C14orf39: variants seen among roughly 807,000 people sequenced by gnomAD.
C14orf39 encodes the protein protein SIX6OS1.
In C14orf39, 66 loss-of-function variants were observed where a neutral mutation model predicts 85.6. That is an observed-to-expected ratio of 0.77 (90% CI 0.63 to 0.95). C14orf39 has a LOEUF of 0.95. C14orf39 is among the 40% of genes least tolerant of loss of function. The pLI, the probability that C14orf39 is intolerant of heterozygous loss-of-function variation, is 0.00. For synonymous variants in C14orf39, 242 were observed against 214.0 expected (o/e 1.13, Z -1.14); for missense variants, 735 against 663.9 (o/e 1.11, Z -1.18).
At chr14:60,513,040 T>A (rs763492682) in intron 1 of C14orf39, among the ~76,000 whole-genome samples, 1 of 152,332 alleles carries the variant, frequency 6.6e-6, no homozygotes, top group African/African-American at 2.4e-5. Context: ...AACGGCAAGA[T>A]AGACAATGGA....
intron 1 of C14orf39, chr14:60,511,495 C>T: frequency 1.7e-6 from 1 of 598,496 alleles, no homozygotes; most frequent in Admixed American, 3.0e-5. Flanking sequence ...GTTCTTCTTG[C>T]TTTGCTTTTT....
At chr14:60,468,598 T>G in intron 8 of C14orf39, 62 bp from the exon 9 acceptor site, 1 of 901,366 alleles carries the variant, frequency 1.1e-6, no homozygotes, top group South Asian at 2.0e-5. Context: ...AAAAAAGATA[T>G]GCTTTATCTT....
At chr14:60,475,358 A>C (rs1047067749) in intron 5 of C14orf39, among the ~76,000 whole-genome samples, 26 of 151,774 alleles carry the variant, frequency 1.7e-4, no homozygotes, top group Non-Finnish European at 3.5e-4. Flanking sequence ...CTACACAAAA[A>C]ACCGTTCAAA....
chr14:60,470,031 CATTA>C (rs1367243771), intron 7 of C14orf39, among the ~76,000 whole-genome samples: 1 of 149,742 alleles, frequency 6.7e-6, no homozygotes, highest in Non-Finnish European at 1.5e-5. Flanking sequence ...CTTATGCTTC[CATTA>C]TTTATTTGTT....
Position 60,436,992 on chromosome 14 carries a change from T to C in C14orf39, c.1617A>G (p.Ser539=). The stretch of plus-strand genomic sequence containing the variant: ...CTCCAAATGTATGAGTTGAAGTGTC[T>C]GATGGAAAAGAAAATGTAAAGCCAT... ...GEDGFTFSFP[S]DTSTHTFGAG... Residue 539 remains serine (S), a synonymous_variant, in exon 18 of 18, where the codon TCA becomes TCG. Transcript: ENST00000321731. 6.2e-7 allele frequency: 1 copy of C among 1,611,760 alleles called. No individual in the cohort carries two copies. The highest frequency in any genetic ancestry group is 8.5e-7 in the Non-Finnish European group (1 of 1,179,086).
At position 60,491,503 on chromosome 14, in the gene C14orf39, T is replaced by A. The variant is rs1892987730; in HGVS notation, c.-8-6417A>T. Reference sequence around the variant, plus strand: ...GCTCATGTATTTCCCCCACTAATGCTGACCTCCTTCATCCTTTTCATTAAT... The same window carrying A: ...GCTCATGTATTTCCCCCACTAATGCAGACCTCCTTCATCCTTTTCATTAAT... On this transcript the variant is annotated intron_variant, in intron 2 of 5. Coordinates refer to the C14orf39 transcript ENST00000556799. This position sits in a 1 kb window ranked among gnomAD's most constrained non-coding sequence, Gnocchi z 4.5. Among the ~76,000 whole-genome samples the A allele has an allele frequency of 6.6e-6, 1 of 152,252 alleles. No individual in the cohort carries two copies. Among genetic ancestry groups the A allele is most frequent in the Non-Finnish European group, 1.5e-5 (1 of 68,044 alleles).
At chr14:60,483,856 A>G (rs1443584768) in intron 3 of C14orf39, 39 bp from the exon 4 acceptor site, 1 of 1,368,246 alleles carries the variant, frequency 7.3e-7, no homozygotes, top group Non-Finnish European at 1.0e-6. Flanking sequence ...ATGTAGAAAT[A>G]ATAAGTTCAA....
In C14orf39 at chr14:60,483,781, ATAGT is replaced by A. The variant is rs1182145636; in HGVS notation, c.139_142del (p.Thr47PhefsTer8). ...ATTTATAGTTTCGTGTATCCTACAA[ATAGT>A]TACTTTGTTTTCCTTAATATCTTCA... On this transcript the variant is annotated frameshift_variant, in exon 4 of 18. Coordinates refer to ENST00000321731, the MANE Select transcript of C14orf39 (RefSeq NM_174978.3). LOFTEE classifies it high-confidence loss of function. 1 of 1,548,090 alleles carries A rather than the reference ATAGT, an allele frequency of 6.5e-7. No homozygotes were observed. Among genetic ancestry groups the A allele is most frequent in the Non-Finnish European group, 8.9e-7 (1 of 1,124,688 alleles).
intron 1 of C14orf39, chr14:60,509,817 G>A (rs1594631470): frequency 6.2e-7 from 1 of 1,613,870 alleles, no homozygotes; most frequent in Non-Finnish European, 8.5e-7. Context: ...GAGCGCACGC[G>A]GCACCTGCTA....
chr14:60,475,371 A>C (rs891087674), intron 5 of C14orf39, among the ~76,000 whole-genome samples: 6 of 151,794 alleles, frequency 4.0e-5, no homozygotes, highest in Non-Finnish European at 7.4e-5. Flanking sequence ...CGTTCAAATA[A>C]CCTTTTTTTC....
chr14:60,495,294 A>G, intron 2 of C14orf39: 1 of 220,922 alleles, frequency 4.5e-6, no homozygotes, highest in South Asian at 7.9e-5. Flanking sequence ...ACCCTGGCTC[A>G]TGGATTCCAC....
chr14:60,509,609 T>C (rs1408726290), intron 1 of C14orf39: 3 of 1,613,624 alleles, frequency 1.9e-6, no homozygotes, highest in Non-Finnish European at 2.5e-6. Context: ...CCGCGAGCTC[T>C]ATCATATCCT....
chr14:60,475,353 C>CA (rs1296940480), intron 5 of C14orf39, among the ~76,000 whole-genome samples: 1 of 151,618 alleles, frequency 6.6e-6, no homozygotes, highest in Admixed American at 6.6e-5. Context: ...GGCTCCTACA[C>CA]AAAAAACCGT....
chr14:60,510,999 G>C, intron 1 of C14orf39: 1 of 1,409,350 alleles, frequency 7.1e-7, no homozygotes, highest in Non-Finnish European at 9.8e-7. Context: ...TAGCCGCCGG[G>C]CTGGAGGGAC....
chr14:60,466,792 T>C (rs1023844661), intron 10 of C14orf39, 125 bp downstream of exon 10: 2 of 609,674 alleles, frequency 3.3e-6, no homozygotes, highest in Non-Finnish European at 4.8e-6. Context: ...CAGTACTCTC[T>C]TGAGTTTATA....
At chr14:60,450,579 C>T (rs563044707) in intron 16 of C14orf39, among the ~76,000 whole-genome samples, 3 of 152,182 alleles carry the variant, frequency 2.0e-5, no homozygotes, top group Non-Finnish European at 4.4e-5. Flanking sequence ...CTGCCTAGGG[C>T]CAGGGGAACT....
At chr14:60,498,434 T>C (rs984954909) in intron 2 of C14orf39, among the ~76,000 whole-genome samples, 1 of 152,212 alleles carries the variant, frequency 6.6e-6, no homozygotes, top group Non-Finnish European at 1.5e-5. Flanking sequence ...TAGGGAGATA[T>C]AGGAAAGGCC....
chr14:60,507,332 C>T (rs1893217876), intron 1 of C14orf39, among the ~76,000 whole-genome samples: 1 of 152,208 alleles, frequency 6.6e-6, no homozygotes, highest in Non-Finnish European at 1.5e-5. Context: ...GGATTCTCCT[C>T]CGCCTGCGTG....
intron 1 of C14orf39, chr14:60,509,374 C>T (rs762783680): frequency 7.5e-6 from 12 of 1,596,158 alleles, no homozygotes; most frequent in Non-Finnish European, 9.3e-6. Context: ...GGCTCAGTGC[C>T]CTCGCCGCCG....
Sources: gnomAD v4.1 joint callset for allele counts (sites outside exome capture counted in the v4.1 genomes callset) on GRCh38, gnomAD v4.1.1 for gene constraint, Gnocchi (gnomAD v3.1) non-coding constraint, MANE v1.5 for transcripts, NCBI Gene and HGNC (gene_info 2026-07-23, HGNC 2026-07-21) for gene names.